Variants in IGF2R observed in about 807,000 individuals in gnomAD.
The protein encoded by IGF2R is cation-independent mannose-6-phosphate receptor.
A neutral mutation model predicts 270.6 loss-of-function variants in IGF2R; 91 were observed. The observed-to-expected ratio is 0.34, with a 90% confidence interval of 0.28 to 0.40. The LOEUF is 0.40. Among genes scored for constraint, IGF2R ranks in the 10% least tolerant of loss-of-function variants. IGF2R has a pLI of 1.00. For missense variants in IGF2R, 2,805 were observed against 3,188.3 expected (o/e 0.88, Z 2.90); for synonymous variants, 1,316 against 1,258.9 (o/e 1.05, Z -0.96).
intron 4 of IGF2R, among the ~76,000 whole-genome samples, chr6:160,018,748 G>A (rs9365123): frequency 0.11 from 16,212 of 151,848 alleles, 1,002 homozygotes; most frequent in South Asian, 0.23. Flanking sequence ...AGTTAAGATG[G>A]AAATTAAAAA....
Position 160,108,027 on chromosome 6 carries a change from AC to A in IGF2R, c.*2947del, listed in dbSNP as rs1191184321. ...AAGCACTGATGGGTACACAGGTCTT[AC>A]CCCTGTTGGCGATCGGGTCACAAGG... On this transcript the variant is annotated 3_prime_UTR_variant, in exon 48 of 48. Transcript: ENST00000356956. The A allele has an allele frequency of 4.6e-5, 7 of 152,222 alleles. No individual in the cohort carries two copies. The highest frequency in any genetic ancestry group is 4.4e-5 in the Non-Finnish European group (3 of 68,064). 9.4% of individuals were successfully genotyped at this position (152,222 alleles called of 1,614,324 possible). A position where few individuals can be genotyped will look rare whatever the true frequency, so the allele number is the denominator to read the frequency against.
Position 160,072,097 on chromosome 6 carries a change from C to T in IGF2R, c.4570+61C>T. Reference sequence around the variant, plus strand: ...GTGAGAGACGGTGCCCCCACCAAACCCAGCTCATCAGGGGAGAGACCCAAA... The same window carrying T: ...GTGAGAGACGGTGCCCCCACCAAACTCAGCTCATCAGGGGAGAGACCCAAA... On this transcript the variant is annotated intron_variant, in intron 32 of 47. Transcript: ENST00000356956. 7 of 1,606,198 alleles carry T rather than the reference C, an allele frequency of 4.4e-6. No individual in the cohort carries two copies. The South Asian group carries it at 5.5e-5, about 13-fold the overall frequency.
rs1275999189 is a variant in IGF2R, at chr6:160,004,564, G to A, written c.290-4446G>A. The A allele has an allele frequency of 6.5e-6, 1 of 153,964 alleles. No individual in the cohort carries two copies. Among genetic ancestry groups the A allele is most frequent in the African/African-American group, 2.4e-5 (1 of 41,448 alleles). 9.5% of individuals were successfully genotyped at this position (153,964 alleles called of 1,614,324 possible). ...TGGCCTGTTTTTCCGGGTGGGTCTA[G>A]TGAGTGTAGCTTGGAGTGCTGGGTG... On this transcript the variant is annotated intron_variant, in intron 2 of 47. Coordinates refer to ENST00000356956, the MANE Select transcript of IGF2R (RefSeq NM_000876.4). This position sits in a 1 kb window ranked among gnomAD's most constrained non-coding sequence, Gnocchi z 5.2.
At chr6:159,989,062 G>A (rs915833165) in intron 1 of IGF2R, among the ~76,000 whole-genome samples, 12 of 152,110 alleles carry the variant, frequency 7.9e-5, no homozygotes, top group African/African-American at 2.4e-4. Flanking sequence ...GTCATACCCC[G>A]AGGGTATCAC....
chr6:160,073,423 G>T lies in IGF2R; in HGVS notation c.4901G>T (p.Cys1634Phe). The T allele has an allele frequency of 1.9e-6, 3 of 1,614,286 alleles. No homozygotes were observed. The highest frequency in any genetic ancestry group is 2.5e-6 in the Non-Finnish European group (3 of 1,180,044). Reference protein sequence around the residue: ...PMLISLDKQTCTLFFSWHTPL... With the variant: ...PMLISLDKQTFTLFFSWHTPL... ...CTCATCTCCCTGGACAAGCAGACATGCACTCTCTTCTTCTCCTGGCACACG... is the reference window on the plus strand; with the variant it reads ...CTCATCTCCCTGGACAAGCAGACATTCACTCTCTTCTTCTCCTGGCACACG... Residue 1634 changes from cysteine to phenylalanine, a missense_variant, in exon 34 of 48, where the codon TGC becomes TTC. Coordinates refer to ENST00000356956, the MANE Select transcript of IGF2R (RefSeq NM_000876.4).
intron 20 of IGF2R, among the ~76,000 whole-genome samples, chr6:160,056,834 G>A (rs960666376): frequency 2.0e-5 from 3 of 152,126 alleles, no homozygotes; most frequent in East Asian, 1.9e-4. Context: ...CTGCACCACC[G>A]GCAGATGTCT....
In IGF2R at chr6:160,009,026, A is replaced by T. The variant is rs1194028786; in HGVS notation, c.306A>T (p.Arg102Ser). ...TYHSVGDSVL[R>S]SATRSLLEFN... ...TCCAAATAGGTGACTCTGTTTTGAG[A>T]AGTGCAACCAGATCTCTCCTGGAAT... The change falls in exon 3 of 48, where the codon AGA (arginine) becomes AGT (serine). Residue 102 changes from arginine (R) to serine (S), a missense_variant. Arg to Ser is a moderately radical substitution (Grantham distance 110). This residue lies in a region of IGF2R where 954 missense variants were observed against 981.1 expected (regional missense o/e 0.97). Transcript: ENST00000356956. 6.2e-7 allele frequency: 1 copy of T among 1,613,898 alleles called. No individual in the cohort carries two copies. The highest frequency in any genetic ancestry group is 8.5e-7 in the Non-Finnish European group (1 of 1,179,930).
intron 33 of IGF2R, 75 bp from the exon 34 acceptor site, chr6:160,073,138 T>C: frequency 1.3e-6 from 2 of 1,570,352 alleles, no homozygotes; most frequent in Non-Finnish European, 1.7e-6. Context: ...TGGTCCTGAC[T>C]TGCGAAAGTT....
intron 18 of IGF2R, 115 bp downstream of exon 18, chr6:160,048,658 C>T (rs1778125369): frequency 2.9e-6 from 3 of 1,050,830 alleles, no homozygotes; most frequent in Non-Finnish European, 4.1e-6. Flanking sequence ...TCGAGAGAAA[C>T]CCTCTGAGTA....
chr6:160,000,465 C>T (rs919984909), intron 2 of IGF2R, among the ~76,000 whole-genome samples: 2 of 152,148 alleles, frequency 1.3e-5, no homozygotes. Context: ...TACCTCCCAC[C>T]AGGCCCCACC....
Position 160,072,042 on chromosome 6 carries a change from A to G in IGF2R, c.4570+6A>G, listed in dbSNP as rs1315307072. On this transcript the variant is annotated splice_donor_region_variant and intron_variant, in intron 32 of 47. Coordinates refer to ENST00000356956, the MANE Select transcript of IGF2R (RefSeq NM_000876.4). ...GGTCACCAACCCAAGCACAGGTGAG[A>G]GGTGGTGCCAGTCGTTAACCCCAGC... 6.2e-7 allele frequency: 1 copy of G among 1,613,910 alleles called. No homozygotes were observed. The highest frequency in any genetic ancestry group is 8.5e-7 in the Non-Finnish European group (1 of 1,179,990).
chr6:160,086,044 A>G (rs1249362481), intron 41 of IGF2R, among the ~76,000 whole-genome samples: 2 of 152,186 alleles, frequency 1.3e-5, no homozygotes, highest in Non-Finnish European at 2.9e-5. Flanking sequence ...TGGATATTCG[A>G]CTAGTCTTTC....
intron 23 of IGF2R, 80 bp downstream of exon 23, chr6:160,060,797 T>C (rs1367102547): frequency 7.3e-7 from 1 of 1,376,828 alleles, no homozygotes; most frequent in Admixed American, 1.8e-5. Context: ...TGTGTTTCTG[T>C]GTGTATGTAT....
intron 29 of IGF2R, among the ~76,000 whole-genome samples, chr6:160,065,814 G>GTGTATATATATATATATATATA: frequency 6.4e-5 from 5 of 78,388 alleles, no homozygotes; most frequent in Admixed American, 1.6e-4. Flanking sequence ...GTGTGTGTGT[G>GTGTATATATATATATATATATA]TATATATATA....
At chr6:159,986,301 G>A (rs553664575) in intron 1 of IGF2R, among the ~76,000 whole-genome samples, 3 of 149,824 alleles carry the variant, frequency 2.0e-5, no homozygotes, top group South Asian at 2.1e-4. Flanking sequence ...GTGCGATCTC[G>A]GCTCACTGCA....
At chr6:160,087,124 C>T (rs942950208) in intron 41 of IGF2R, among the ~76,000 whole-genome samples, 4 of 152,170 alleles carry the variant, frequency 2.6e-5, no homozygotes, top group Admixed American at 6.5e-5. Flanking sequence ...TTCGAGGGCT[C>T]AGGTTTTTCT....
At chr6:160,025,672 G>GT (rs1054608507) in intron 5 of IGF2R, among the ~76,000 whole-genome samples, 1 of 152,066 alleles carries the variant, frequency 6.6e-6, no homozygotes, top group East Asian at 1.9e-4. Flanking sequence ...TGATAACTAG[G>GT]TTTTTTTGTG....
chr6:160,071,822 C>A, intron 31 of IGF2R, 88 bp from the exon 32 acceptor site: 1 of 1,538,702 alleles, frequency 6.5e-7, no homozygotes, highest in Non-Finnish European at 8.9e-7. Context: ...TGGAGTTTTT[C>A]AGAGAAGCTT....
At chr6:160,080,307 C>A (rs774234439) in intron 39 of IGF2R, 32 bp downstream of exon 39, 1 of 1,603,414 alleles carries the variant, frequency 6.2e-7, no homozygotes, top group Non-Finnish European at 8.5e-7. Context: ...CCCCACATGG[C>A]CTGGGGCCTT....
Sources: gnomAD v4.1 joint callset for allele counts (sites outside exome capture counted in the v4.1 genomes callset) on GRCh38, gnomAD v4.1.1 for gene constraint, gnomAD v4.1.1 regional missense constraint, Gnocchi (gnomAD v3.1) non-coding constraint, MANE v1.5 for transcripts, NCBI Gene and HGNC (gene_info 2026-07-23, HGNC 2026-07-21) for gene names.